Variants in CLSTN2 observed in about 807,000 individuals in gnomAD.
CLSTN2 encodes the protein calsyntenin 2.
In CLSTN2, 48 loss-of-function variants were observed where a neutral mutation model predicts 101.2. The observed-to-expected ratio is 0.47, with a 90% CI of 0.38 to 0.60. The LOEUF (loss-of-function observed/expected upper bound fraction) is 0.60. Ranked by LOEUF, CLSTN2 falls within the 20% of genes least tolerant of loss-of-function variation. CLSTN2 has a pLI of 0.00. For synonymous variants in CLSTN2, 481 were observed against 463.6 expected (o/e 1.04, Z -0.48); for missense variants, 1,160 against 1,238.2 (o/e 0.94, Z 0.95).
At chr3:140,458,092 T>C (rs1933449896) in intron 6 of CLSTN2, among the ~76,000 whole-genome samples, 1 of 152,138 alleles carries the variant, frequency 6.6e-6, no homozygotes, top group South Asian at 2.1e-4. Flanking sequence ...GAGTTGAACA[T>C]TTTCAAACAA....
At chr3:140,107,403 G>A (rs2009077913) in intron 1 of CLSTN2, among the ~76,000 whole-genome samples, 2 of 152,054 alleles carry the variant, frequency 1.3e-5, no homozygotes, top group South Asian at 4.1e-4. Flanking sequence ...TGATGTCATT[G>A]TTGCTCTTTG....
chr3:140,222,044 A>G (rs534650075), intron 2 of CLSTN2, among the ~76,000 whole-genome samples: 3 of 152,262 alleles, frequency 2.0e-5, no homozygotes, highest in Admixed American at 2.0e-4. Flanking sequence ...GCTATTCACA[A>G]TAGCCAAGAT....
intron 8 of CLSTN2, among the ~76,000 whole-genome samples, chr3:140,490,470 A>G (rs1196309588): frequency 2.0e-5 from 3 of 151,646 alleles, no homozygotes; most frequent in Non-Finnish European, 4.4e-5. Flanking sequence ...GCTGGGCCAC[A>G]AAGAAGGCTC....
intron 2 of CLSTN2, among the ~76,000 whole-genome samples, chr3:140,355,861 T>C (rs1222364452): frequency 1.3e-5 from 2 of 152,242 alleles, no homozygotes; most frequent in Non-Finnish European, 2.9e-5. Flanking sequence ...CTGCATTTAT[T>C]TTTCAGTAGG....
intron 1 of CLSTN2, among the ~76,000 whole-genome samples, chr3:139,944,939 G>A (rs772617778): frequency 5.9e-5 from 9 of 152,268 alleles, no homozygotes; most frequent in African/African-American, 1.2e-4. Context: ...CAGTCAGGCC[G>A]GCAGATACCA....
In CLSTN2 at chr3:140,529,461, C is replaced by T. The variant is rs569396182; in HGVS notation, c.1345-2863C>T. ...GTCGGGAATTGAAGTTCTTCTCTCC[C>T]CCAAGGAAAGGTCACTTTGCTGAAT... On this transcript the variant is annotated intron_variant, in intron 8 of 16. Transcript: ENST00000458420. Among the ~76,000 whole-genome samples, 6 of 152,286 alleles carry T rather than the reference C, an allele frequency of 3.9e-5. No individual in the cohort carries two copies. The South Asian group carries it at 1.2e-3, about 32-fold the overall frequency.
intron 4 of CLSTN2, among the ~76,000 whole-genome samples, chr3:140,417,064 A>G (rs947948768): frequency 6.6e-6 from 1 of 152,238 alleles, no homozygotes; most frequent in Admixed American, 6.5e-5. Flanking sequence ...CAAAGTAACC[A>G]TTATTAACAG....
chr3:140,197,637 C>T (rs1288790293), intron 2 of CLSTN2, among the ~76,000 whole-genome samples: 1 of 152,074 alleles, frequency 6.6e-6, no homozygotes, highest in Non-Finnish European at 1.5e-5. Context: ...TTAACAATGT[C>T]CAGAGACATT....
At chr3:140,561,054 A>G (rs1935903533) in intron 12 of CLSTN2, among the ~76,000 whole-genome samples, 3 of 151,944 alleles carry the variant, frequency 2.0e-5, no homozygotes, top group Admixed American at 2.0e-4. Flanking sequence ...AACTTAAAAG[A>G]TAATTATTTA....
intron 2 of CLSTN2, among the ~76,000 whole-genome samples, chr3:140,239,203 G>A (rs555430839): frequency 6.6e-6 from 1 of 152,208 alleles, no homozygotes; most frequent in African/African-American, 2.4e-5. Flanking sequence ...AGCAAAATGA[G>A]TTAACTCCAC....
At chr3:140,512,448 A>G (rs944238695) in intron 8 of CLSTN2, among the ~76,000 whole-genome samples, 5 of 151,904 alleles carry the variant, frequency 3.3e-5, no homozygotes, top group African/African-American at 9.7e-5. Context: ...CTTATTTCTG[A>G]CTTTTCTATT....
At chr3:140,384,475 G>A (rs1424783210) in intron 2 of CLSTN2, among the ~76,000 whole-genome samples, 2 of 152,190 alleles carry the variant, frequency 1.3e-5, no homozygotes, top group African/African-American at 2.4e-5. Context: ...TGATGACAAT[G>A]CAATGAAGAA....
At position 140,566,489 on chromosome 3, in the gene CLSTN2, G is replaced by A; in HGVS notation, c.*236G>A. ...ACTTCAGGGTAGACTTTGTCCTGTA[G>A]CCTCCACTTCTGCCCTAAGTTCCCC... On this transcript the variant is annotated 3_prime_UTR_variant, in exon 17 of 17. Transcript: ENST00000458420. 1.8e-6 allele frequency: 1 copy of A among 562,346 alleles called. No homozygotes were observed. The highest frequency in any genetic ancestry group is 3.2e-6 in the Non-Finnish European group (1 of 315,248). The allele number at this position is 562,346 out of a possible 1,614,324, so 34.8% of individuals were successfully genotyped here.
intron 5 of CLSTN2, among the ~76,000 whole-genome samples, chr3:140,428,802 T>G (rs1379018445): frequency 6.6e-6 from 1 of 152,176 alleles, no homozygotes; most frequent in Non-Finnish European, 1.5e-5. Flanking sequence ...ATTCTCCAAG[T>G]GCGTCAAATT....
rs187619582 is a variant in CLSTN2, at chr3:140,529,991, G to A, written c.1345-2333G>A. ...TCTGTGAGTAGGAGTATAAATAGGC[G>A]TAACCTTTGCAGAAAAAAACATTGA... On this transcript the variant is annotated intron_variant, in intron 8 of 16. Coordinates refer to ENST00000458420, the MANE Select transcript of CLSTN2 (RefSeq NM_022131.3). Among the ~76,000 whole-genome samples the A allele has an allele frequency of 2.1e-3, 323 of 152,244 alleles. 1 individual carries two copies. The highest frequency in any genetic ancestry group is 7.6e-3 in the African/African-American group (314 of 41,538).
chr3:140,001,093 A>G (rs886169056), intron 1 of CLSTN2, among the ~76,000 whole-genome samples: 3 of 152,204 alleles, frequency 2.0e-5, no homozygotes, highest in Non-Finnish European at 4.4e-5. Context: ...CGGAAATTGA[A>G]GCTTGGAAGA....
At chr3:140,043,121 C>A (rs942740813) in intron 1 of CLSTN2, among the ~76,000 whole-genome samples, 3 of 152,166 alleles carry the variant, frequency 2.0e-5, no homozygotes, top group African/African-American at 7.2e-5. Context: ...AATGGTTGAA[C>A]TAGTTTACAG....
intron 1 of CLSTN2, among the ~76,000 whole-genome samples, chr3:140,088,750 C>A (rs185200277): frequency 3.3e-5 from 5 of 152,164 alleles, no homozygotes; most frequent in Non-Finnish European, 7.3e-5. Context: ...TCATGCCTCT[C>A]CCCTGGGTTT....
At chr3:140,074,828 G>A (rs1470429557) in intron 1 of CLSTN2, among the ~76,000 whole-genome samples, 1 of 152,122 alleles carries the variant, frequency 6.6e-6, no homozygotes, top group East Asian at 1.9e-4. Flanking sequence ...TTCTCCTTGT[G>A]GGATCCAACA....
Sources: allele counts gnomAD v4.1 joint callset (sites outside exome capture counted in the v4.1 genomes callset), GRCh38; gene constraint gnomAD v4.1.1; transcripts MANE v1.5; gene names NCBI Gene and HGNC (gene_info 2026-07-23, HGNC 2026-07-21).